Variants in SHROOM2 observed in about 807,000 individuals in gnomAD.
SHROOM2 encodes shroom family member 2, also known as protein Shroom2.
In SHROOM2, 33 loss-of-function variants were observed where a neutral mutation model predicts 75.9. That is an observed-to-expected ratio of 0.43 (90% confidence interval 0.33 to 0.58). SHROOM2 has a LOEUF of 0.58. SHROOM2 is among the 20% of genes least tolerant of loss of function. The pLI, the probability that SHROOM2 is intolerant of heterozygous loss-of-function variation, is 0.04. For synonymous variants in SHROOM2, 655 were observed against 663.6 expected (o/e 0.99, Z 0.20); for missense variants, 1,434 against 1,461.2 (o/e 0.98, Z 0.30).
intron 1 of SHROOM2, among the ~76,000 whole-genome samples, chrX:9,849,253 C>G (rs1433330194): frequency 8.9e-6 from 1 of 111,799 alleles, no homozygotes; most frequent in Non-Finnish European, 1.9e-5. Flanking sequence ...ACAGCAGGCG[C>G]CGGCTGGCAG....
At chrX:9,882,178 C>CT (rs386416608) in intron 2 of SHROOM2, among the ~76,000 whole-genome samples, 1,890 of 71,011 alleles carry the variant, frequency 0.027, 132 homozygotes, top group African/African-American at 0.093. Flanking sequence ...TCCCTTGTTG[C>CT]TTTTTTTTTT....
intron 2 of SHROOM2, among the ~76,000 whole-genome samples, chrX:9,880,207 C>T (rs1024317715): frequency 3.5e-5 from 4 of 112,744 alleles, no homozygotes; most frequent in South Asian, 3.6e-4. Context: ...CCTGGGATCA[C>T]GTGCTGACCT....
chrX:9,935,906 C>T (rs1232972309), intron 6 of SHROOM2, among the ~76,000 whole-genome samples: 3 of 110,953 alleles, frequency 2.7e-5, no homozygotes, highest in Admixed American at 9.6e-5. Context: ...GGGGCTGCTT[C>T]TCCAGTGCTC....
intron 1 of SHROOM2, among the ~76,000 whole-genome samples, chrX:9,871,850 G>A (rs1018720722): frequency 1.8e-5 from 2 of 111,623 alleles, no homozygotes; most frequent in Non-Finnish European, 3.8e-5. Context: ...AAGAATGGAC[G>A]GCATTAGCTT....
At chrX:9,930,702 T>C (rs936197599) in intron 5 of SHROOM2, among the ~76,000 whole-genome samples, 1 of 111,108 alleles carries the variant, frequency 9.0e-6, no homozygotes, top group Non-Finnish European at 1.9e-5. Flanking sequence ...ACAAATGTAT[T>C]GTTCTCTAAC....
At chrX:9,897,440 G>A (rs2084338616) in intron 4 of SHROOM2, among the ~76,000 whole-genome samples, 2 of 109,315 alleles carry the variant, frequency 1.8e-5, no homozygotes, top group South Asian at 7.9e-4. Context: ...AAGAATCCAG[G>A]GTGGGTGCGG....
At chrX:9,885,469 A>G (rs1015556806) in intron 2 of SHROOM2, among the ~76,000 whole-genome samples, 22 of 111,063 alleles carry the variant, frequency 2.0e-4, no homozygotes, top group Non-Finnish European at 3.8e-4. Flanking sequence ...CAGAGGTGCC[A>G]ACAAACAGAA....
intron 5 of SHROOM2, among the ~76,000 whole-genome samples, chrX:9,919,206 A>G: frequency 9.0e-6 from 1 of 110,510 alleles, no homozygotes; most frequent in Middle Eastern, 4.7e-3. Context: ...TGAAAATACC[A>G]CAGAATGGTG....
rs140514715 is a variant in SHROOM2, at chrX:9,903,152, G to T, written c.2891+4862G>T. Among the ~76,000 whole-genome samples, 326 of 111,948 alleles carry T rather than the reference G, an allele frequency of 2.9e-3. 3 individuals carry two copies. Among genetic ancestry groups the T allele is most frequent in the African/African-American group, 0.01 (310 of 30,836 alleles). On this transcript the variant is annotated intron_variant, in intron 5 of 9. Coordinates refer to ENST00000380913, the MANE Select transcript of SHROOM2 (RefSeq NM_001649.4). ...GACCAATTTTTCATTTACAAAACAA[G>T]CTCCTTCATGTAGATTTCAGAATAA...
At chrX:9,868,253 A>G (rs1242252405) in intron 1 of SHROOM2, among the ~76,000 whole-genome samples, 3 of 107,875 alleles carry the variant, frequency 2.8e-5, no homozygotes, top group African/African-American at 1.0e-4. Context: ...TTATTTATTT[A>G]TTTATTTTTT....
At chrX:9,855,276 C>T (rs1241376523) in intron 1 of SHROOM2, among the ~76,000 whole-genome samples, 1 of 67,413 alleles carries the variant, frequency 1.5e-5, no homozygotes, top group Non-Finnish European at 2.6e-5. Context: ...GCACATGTAT[C>T]CCAGAACTTA....
Position 9,813,536 on chromosome X carries a change from G to A in SHROOM2, c.165+26826G>A, listed in dbSNP as rs548818716. On this transcript the variant is annotated intron_variant, in intron 1 of 9. Transcript: ENST00000380913. ...TCATTGGGGAAGGATGGGAGAAAGA[G>A]TCACCACATAAATTGTTCGTAATGT... Among the ~76,000 whole-genome samples, 166 of 111,491 alleles carry A rather than the reference G, an allele frequency of 1.5e-3. No homozygotes were observed. In the Middle Eastern group the frequency reaches 0.018, roughly 12 times the overall value.
At chrX:9,910,432 G>T (rs928280020) in intron 5 of SHROOM2, among the ~76,000 whole-genome samples, 4 of 110,776 alleles carry the variant, frequency 3.6e-5, no homozygotes, top group East Asian at 2.9e-4. Context: ...CTGGCCAGGC[G>T]CAATGGGTCA....
chrX:9,900,192 T>C (rs2084358285), intron 5 of SHROOM2, among the ~76,000 whole-genome samples: 1 of 111,042 alleles, frequency 9.0e-6, no homozygotes, highest in Non-Finnish European at 1.9e-5. Context: ...ATTTTCAGAA[T>C]TGTTGGGTGC....
intron 2 of SHROOM2, among the ~76,000 whole-genome samples, chrX:9,884,607 A>G (rs908391283): frequency 1.9e-5 from 2 of 105,573 alleles, no homozygotes; most frequent in Non-Finnish European, 3.9e-5. Flanking sequence ...GCTCAAACAT[A>G]CAGCTGTTGT....
At chrX:9,931,153 G>T (rs6640569) in intron 5 of SHROOM2, among the ~76,000 whole-genome samples, 9,096 of 111,146 alleles carry the variant, frequency 0.082, 860 homozygotes, top group African/African-American at 0.26. Context: ...TGAAGCTGAG[G>T]TTGAGCTATT....
intron 1 of SHROOM2, among the ~76,000 whole-genome samples, chrX:9,829,544 C>G (rs893426269): frequency 8.9e-5 from 10 of 112,027 alleles, no homozygotes; most frequent in African/African-American, 2.6e-4. Flanking sequence ...TCCGTACACA[C>G]TCCGATTCCT....
chrX:9,900,495 G>A (rs1336533085), intron 5 of SHROOM2, among the ~76,000 whole-genome samples: 1 of 112,120 alleles, frequency 8.9e-6, no homozygotes. Flanking sequence ...TCTGATAATC[G>A]ATGCGTAGCA....
At chrX:9,806,067 A>G (rs975881619) in intron 1 of SHROOM2, among the ~76,000 whole-genome samples, 1 of 111,237 alleles carries the variant, frequency 9.0e-6, no homozygotes, top group Non-Finnish European at 1.9e-5. Context: ...GGTCCACAGC[A>G]GACACTGAAT....
Sources: allele counts gnomAD v4.1 joint callset (sites outside exome capture counted in the v4.1 genomes callset), GRCh38; gene constraint gnomAD v4.1.1; transcripts MANE v1.5; gene names NCBI Gene and HGNC (gene_info 2026-07-23, HGNC 2026-07-21).